Variants in TBXAS1 observed in about 807,000 individuals in gnomAD.
TBXAS1 encodes thromboxane A synthase 1, also known as thromboxane-A synthase.
A neutral mutation model predicts 60.7 loss-of-function variants in TBXAS1; 48 were observed. That is an observed-to-expected ratio of 0.79 (90% CI 0.63 to 1.01). The LOEUF (loss-of-function observed/expected upper bound fraction) is 1.01. Among genes scored for constraint, TBXAS1 ranks in the 50% least tolerant of loss-of-function variants. The pLI is 0.00. For synonymous variants in TBXAS1, 287 were observed against 269.7 expected (o/e 1.06, Z -0.63); for missense variants, 685 against 686.3 (o/e 1.00, Z 0.02).
chr7:139,789,944 T>C (rs572350249), intron 4 of TBXAS1, among the ~76,000 whole-genome samples: 1 of 152,320 alleles, frequency 6.6e-6, no homozygotes, highest in East Asian at 1.9e-4. Context: ...ACATATTTTC[T>C]TCTAGAGTGT....
At chr7:139,950,369 T>C (rs192312499) in intron 5 of TBXAS1, among the ~76,000 whole-genome samples, 57 of 152,160 alleles carry the variant, frequency 3.7e-4, no homozygotes, top group Non-Finnish European at 7.8e-4. Context: ...AGTACATCTT[T>C]TGCTCCCCCA....
intron 8 of TBXAS1, among the ~76,000 whole-genome samples, chr7:139,959,007 TCA>T (rs8192836): frequency 0.036 from 5,426 of 149,778 alleles, 102 homozygotes; most frequent in Non-Finnish European, 0.049. Context: ...TTGAGAGTGT[TCA>T]CACACACACA....
intron 3 of TBXAS1, among the ~76,000 whole-genome samples, chr7:139,902,175 T>C (rs1262680326): frequency 7.3e-5 from 11 of 151,436 alleles, no homozygotes; most frequent in Non-Finnish European, 1.5e-4. Flanking sequence ...TTTATCACCT[T>C]TGTAGATCTG....
chr7:139,963,686 G>A (rs940700816), intron 9 of TBXAS1, among the ~76,000 whole-genome samples: 5 of 152,146 alleles, frequency 3.3e-5, no homozygotes, highest in African/African-American at 1.2e-4. Flanking sequence ...CAATCTATTA[G>A]GATACATTTA....
rs576122805 is a variant in TBXAS1 at position 140,016,567 on chromosome 7, T to C, written c.1364+707T>C. The C allele has an allele frequency of 2.3e-4, 40 of 170,506 alleles. No individual in the cohort carries two copies. The South Asian group carries it at 5.2e-3, about 22-fold the overall frequency. 10.6% of individuals were successfully genotyped at this position (170,506 alleles called of 1,614,324 possible). A position where few individuals can be genotyped will look rare whatever the true frequency, so the allele number is the denominator to read the frequency against. On this transcript the variant is annotated intron_variant, in intron 11 of 12. Coordinates refer to ENST00000448866, the MANE Select transcript of TBXAS1 (RefSeq NM_001061.7). Reference sequence around the variant, plus strand: ...TTCCTTTTTAAAAAACGGGCATCTATGCCAAAACAACAGCTTCAGCTGATG... The same window carrying C: ...TTCCTTTTTAAAAAACGGGCATCTACGCCAAAACAACAGCTTCAGCTGATG...
intron 4 of TBXAS1, among the ~76,000 whole-genome samples, chr7:139,812,687 CCT>C (rs1798047201): frequency 6.6e-6 from 1 of 152,206 alleles, no homozygotes; most frequent in Middle Eastern, 3.4e-3. Flanking sequence ...GTGGTGAGCC[CCT>C]GTGTCTTGCA....
At chr7:139,920,732 A>G (rs566366233) in intron 4 of TBXAS1, among the ~76,000 whole-genome samples, 7 of 152,284 alleles carry the variant, frequency 4.6e-5, no homozygotes, top group African/African-American at 1.7e-4. Flanking sequence ...CTCTCTTAAA[A>G]TGTGACCACT....
rs867321190 is a variant in TBXAS1, at chr7:139,808,867, A to G, written c.-79-20445A>G. Among the ~76,000 whole-genome samples, 82 of 152,240 alleles carry G rather than the reference A, an allele frequency of 5.4e-4. 1 individual carries two copies. The highest frequency in any genetic ancestry group is 3.4e-3 in the Middle Eastern group (1 of 294). On this transcript the variant is annotated intron_variant, in intron 4 of 16. Transcript: ENST00000336425. ...ACACATTTGGTGAATTATGATTTAA[A>G]GAATTGATGGTGCCTTTTCTGTTAG...
intron 4 of TBXAS1, among the ~76,000 whole-genome samples, chr7:139,807,235 C>A (rs575126984): frequency 6.6e-6 from 1 of 152,216 alleles, no homozygotes; most frequent in Non-Finnish European, 1.5e-5. Context: ...GATTCTGTTT[C>A]CTGCTCTGCC....
intron 4 of TBXAS1, among the ~76,000 whole-genome samples, chr7:139,933,342 T>C (rs1807486432): frequency 1.3e-5 from 2 of 152,216 alleles, no homozygotes; most frequent in Admixed American, 1.3e-4. Flanking sequence ...TAATTTATTC[T>C]GTCTCATCAG....
intron 3 of TBXAS1, among the ~76,000 whole-genome samples, chr7:139,786,318 TGAAGGA>T (rs997383130): frequency 4.6e-5 from 7 of 152,064 alleles, no homozygotes; most frequent in African/African-American, 1.7e-4. Context: ...GTGTCAGGTA[TGAAGGA>T]GACACTTAAT....
intron 3 of TBXAS1, among the ~76,000 whole-genome samples, chr7:139,879,830 T>C (rs1802546465): frequency 1.7e-5 from 2 of 119,796 alleles, no homozygotes; most frequent in Non-Finnish European, 1.7e-5. Context: ...CTTTATCTCA[T>C]TTTGTGTGTG....
intron 9 of TBXAS1, among the ~76,000 whole-genome samples, chr7:139,985,838 CTCG>C (rs1232323708): frequency 1.3e-5 from 2 of 152,218 alleles, no homozygotes; most frequent in Non-Finnish European, 2.9e-5. Flanking sequence ...CGCTTACAGA[CTCG>C]GGTGCCACTT....
At chr7:139,792,547 AAC>A (rs1365145705) in intron 4 of TBXAS1, among the ~76,000 whole-genome samples, 1 of 152,260 alleles carries the variant, frequency 6.6e-6, no homozygotes, top group African/African-American at 2.4e-5. Flanking sequence ...AAACAAAACA[AAC>A]AGACATAGAA....
chr7:139,799,673 T>G (rs1393757163), intron 4 of TBXAS1, among the ~76,000 whole-genome samples: 8 of 152,134 alleles, frequency 5.3e-5, no homozygotes, highest in African/African-American at 9.7e-5. Flanking sequence ...GCTGCCAAAT[T>G]TTTCTTCAAA....
intron 1 of TBXAS1, among the ~76,000 whole-genome samples, chr7:139,833,896 G>T (rs567635291): frequency 4.6e-5 from 7 of 152,114 alleles, no homozygotes; most frequent in Non-Finnish European, 1.0e-4. Context: ...GCACCAGACA[G>T]GTTAGCAAGA....
chr7:139,822,502 C>T (rs767276486), intron 4 of TBXAS1, among the ~76,000 whole-genome samples: 1 of 152,152 alleles, frequency 6.6e-6, no homozygotes, highest in South Asian at 2.1e-4. Context: ...TTCTCCTGAC[C>T]TCTACAGATC....
chr7:140,007,162 G>T lies in TBXAS1; in HGVS notation c.1206G>T (p.Arg402Ser). Reference protein sequence around the residue: ...YLDMVIAETLRMYPPAFRFTR... With the variant: ...YLDMVIAETLSMYPPAFRFTR... Reference sequence around the variant, plus strand: ...ACATGGTGATTGCAGAGACGCTGAGGATGTACCCGCCAGCTTTCAGGTGTG... The same window carrying T: ...ACATGGTGATTGCAGAGACGCTGAGTATGTACCCGCCAGCTTTCAGGTGTG... Residue 402 changes from arginine (R) to serine (S), a missense_variant, in exon 10 of 13, where the codon AGG becomes AGT. Transcript: ENST00000448866. 6.2e-7 allele frequency: 1 copy of T among 1,614,140 alleles called. No individual in the cohort carries two copies. Among genetic ancestry groups the T allele is most frequent in the Non-Finnish European group, 8.5e-7 (1 of 1,180,026 alleles).
At chr7:139,939,840 G>A (rs767570812) in intron 5 of TBXAS1, among the ~76,000 whole-genome samples, 4 of 152,198 alleles carry the variant, frequency 2.6e-5, no homozygotes, top group Non-Finnish European at 5.9e-5. Context: ...GCATTTCAAA[G>A]AGGAAGGAGC....
Sources: gnomAD v4.1 joint callset for allele counts (sites outside exome capture counted in the v4.1 genomes callset) on GRCh38, gnomAD v4.1.1 for gene constraint, MANE v1.5 for transcripts, NCBI Gene and HGNC (gene_info 2026-07-23, HGNC 2026-07-21) for gene names.